Variants in LAMTOR1 observed in about 807,000 individuals in gnomAD.
The protein encoded by LAMTOR1 is ragulator complex protein LAMTOR1.
LAMTOR1 carries 8 observed loss-of-function variants against 20.5 expected under a neutral mutation model. That is an observed-to-expected ratio of 0.39 (90% CI 0.23 to 0.70). The LOEUF (loss-of-function observed/expected upper bound fraction) is 0.70. LAMTOR1 is among the 30% of genes least tolerant of loss of function. LAMTOR1 has a pLI of 0.43. For missense variants in LAMTOR1, 135 were observed against 206.2 expected (o/e 0.65, Z 2.11); for synonymous variants, 77 against 80.9 (o/e 0.95, Z 0.26).
Position 72,097,623 on chromosome 11 carries a change from G to T in LAMTOR1, c.*199C>A, listed in dbSNP as rs146941465. 5.0e-3 allele frequency: 7,036 copies of T among 1,395,844 alleles called. 38 individuals are homozygous for T. The highest frequency in any genetic ancestry group is 0.014 in the South Asian group (879 of 64,562). 86.5% of individuals were successfully genotyped at this position (1,395,844 alleles called of 1,614,324 possible). On this transcript the variant is annotated 3_prime_UTR_variant, in exon 5 of 5. Transcript: ENST00000278671. ...GGCCCCCACCCCATCCCTGGCCAGAGCTTCAAAGGCCAGTCCCAAAAGGTT... is the reference window on the plus strand; with the variant it reads ...GGCCCCCACCCCATCCCTGGCCAGATCTTCAAAGGCCAGTCCCAAAAGGTT...
At chr11:72,098,254 GA>G in intron 4 of LAMTOR1, 34 bp downstream of exon 4, 1 of 1,610,076 alleles carries the variant, frequency 6.2e-7, no homozygotes, top group Non-Finnish European at 8.5e-7. Flanking sequence ...GGCAGTGTGA[GA>G]AGGGTGGGCA....
chr11:72,098,910 A>G, intron 2 of LAMTOR1, 52 bp from the exon 3 acceptor site: 1 of 1,464,534 alleles, frequency 6.8e-7, no homozygotes, highest in Non-Finnish European at 9.2e-7. Context: ...GAGAAGGACA[A>G]ACAGGACTCA....
At chr11:72,102,932 C>T (rs1945498284) in intron 1 of LAMTOR1, among the ~76,000 whole-genome samples, 1 of 152,242 alleles carries the variant, frequency 6.6e-6, no homozygotes, top group Non-Finnish European at 1.5e-5. Context: ...AAGGTAGGAG[C>T]AAACGGAAGT....
chr11:72,098,506 G>T, intron 3 of LAMTOR1, 91 bp from the exon 4 acceptor site: 1 of 1,456,342 alleles, frequency 6.9e-7, no homozygotes, highest in Non-Finnish European at 9.3e-7. Context: ...GGCCAGAGAA[G>T]CAGGGTGTCG....
chr11:72,103,186 G>A lies in LAMTOR1; in HGVS notation c.39C>T (p.Asp13=), dbSNP rs752769625. The change falls in exon 1 of 5, where the codon GAC becomes GAT. Residue 13 remains aspartate, a synonymous_variant. Transcript: ENST00000278671. ...GCCCCGCCTGCCGCGGCCGCACCTGGTCCGAGTCCTCGTTCTCGCTGCTGT... is the reference window on the plus strand; with the variant it reads ...GCCCCGCCTGCCGCGGCCGCACCTGATCCGAGTCCTCGTTCTCGCTGCTGT... ...CCYSSENEDS[D]QDREERKLLL... The A allele has an allele frequency of 5.0e-6, 8 of 1,586,988 alleles. No homozygotes were observed. The highest frequency in any genetic ancestry group is 6.0e-6 in the Non-Finnish European group (7 of 1,166,396).
chr11:72,103,272 T>C lies in LAMTOR1; in HGVS notation c.-48A>G. ...CAGGCCGCGCCGAGGAGGGACGGCGTCCGTGAGGAGCCCTTCCGGTCACAT... is the reference window on the plus strand; with the variant it reads ...CAGGCCGCGCCGAGGAGGGACGGCGCCCGTGAGGAGCCCTTCCGGTCACAT... On this transcript the variant is annotated 5_prime_UTR_variant, in exon 1 of 5. Transcript: ENST00000278671. The C allele has an allele frequency of 6.5e-7, 1 of 1,543,454 alleles. No homozygotes were observed. Among genetic ancestry groups the C allele is most frequent in the Non-Finnish European group, 8.7e-7 (1 of 1,144,650 alleles).
chr11:72,098,054 T>C lies in LAMTOR1; in HGVS notation c.394-140A>G, dbSNP rs1386574558. The C allele has an allele frequency of 9.7e-6, 11 of 1,128,568 alleles. No homozygotes were observed. In the East Asian group the frequency reaches 2.4e-4, roughly 25 times the overall value. The allele number at this position is 1,128,568 out of a possible 1,614,324, so 69.9% of individuals were successfully genotyped here. A position where few individuals can be genotyped will look rare whatever the true frequency, so the allele number is the denominator to read the frequency against. On this transcript the variant is annotated intron_variant, in intron 4 of 4. Transcript: ENST00000278671. ...AGGAAGGCAAAGAGAAAGACAGGGA[T>C]GGGAGAGACAGAAGGAAAAGAACAA...
At position 72,103,198 on chromosome 11, in the gene LAMTOR1, G is replaced by C. The variant is rs1396553544; in HGVS notation, c.27C>G (p.Asn9Lys). The change falls in exon 1 of 5, where the codon AAC (asparagine) becomes AAG (lysine). Residue 9 changes from asparagine to lysine, a missense_variant. Asn to Lys is a moderately conservative substitution (Grantham distance 94, BLOSUM62 0). Coordinates refer to ENST00000278671, the MANE Select transcript of LAMTOR1 (RefSeq NM_017907.3). ...GCGGCCGCACCTGGTCCGAGTCCTC[G>C]TTCTCGCTGCTGTAGCAGCACCCCA... MGCCYSSENEDSDQDREER... is the reference protein window; with the variant it reads MGCCYSSEKEDSDQDREER... 2 of 1,583,648 alleles carry C rather than the reference G, an allele frequency of 1.3e-6. No individual in the cohort carries two copies. The highest frequency in any genetic ancestry group is 4.6e-5 in the East Asian group (2 of 43,270).
chr11:72,101,639 G>A (rs766159646), intron 1 of LAMTOR1, among the ~76,000 whole-genome samples: 1 of 152,136 alleles, frequency 6.6e-6, no homozygotes, highest in African/African-American at 2.4e-5. Flanking sequence ...GATGAGAGTC[G>A]GAGAGGGGCC....
Position 72,097,596 on chromosome 11 carries a change from T to G in LAMTOR1, c.*226A>C. The G allele has an allele frequency of 1.5e-6, 2 of 1,361,728 alleles. No homozygotes were observed. The highest frequency in any genetic ancestry group is 9.5e-7 in the Non-Finnish European group (1 of 1,054,126). 84.4% of individuals were successfully genotyped at this position (1,361,728 alleles called of 1,614,324 possible). A position where few individuals can be genotyped will look rare whatever the true frequency, so the allele number is the denominator to read the frequency against. ...TGAAGACATACCAGGCTCTGTCCTT[T>G]TGGCCCCCACCCCATCCCTGGCCAG... On this transcript the variant is annotated 3_prime_UTR_variant, in exon 5 of 5. Transcript: ENST00000278671.
At chr11:72,101,337 A>G (rs1034615021) in intron 1 of LAMTOR1, among the ~76,000 whole-genome samples, 2 of 152,204 alleles carry the variant, frequency 1.3e-5, no homozygotes, top group South Asian at 2.1e-4. Flanking sequence ...TTCACTGTCT[A>G]CCTTAGCACA....
intron 1 of LAMTOR1, 31 bp downstream of exon 1, chr11:72,103,152 C>T (rs1412205366): frequency 1.9e-6 from 3 of 1,575,004 alleles, no homozygotes; most frequent in Non-Finnish European, 2.6e-6. Flanking sequence ...TCTTAGCCCT[C>T]ATTCCCGAGC....
rs1041924038 is a variant in LAMTOR1, at chr11:72,097,302, T to C, written c.*520A>G. 6.0e-6 allele frequency: 6 copies of C among 995,310 alleles called. No individual in the cohort carries two copies. The African/African-American group carries it at 8.7e-5, about 14-fold the overall frequency. The allele number at this position is 995,310 out of a possible 1,614,324, so 61.7% of individuals were successfully genotyped here. A position where few individuals can be genotyped will look rare whatever the true frequency, so the allele number is the denominator to read the frequency against. ...GCCAGAACCAGCACATGGATGAATA[T>C]ACTTCCTTTATCGAGGGTGACAAAC... On this transcript the variant is annotated 3_prime_UTR_variant, in exon 5 of 5. Transcript: ENST00000278671.
chr11:72,103,045 T>A, intron 1 of LAMTOR1, 138 bp downstream of exon 1: 1 of 1,177,312 alleles, frequency 8.5e-7, no homozygotes, highest in Admixed American at 2.0e-5. Context: ...TGGCGTCTCC[T>A]CTGTAATCTG....
At position 72,098,178 on chromosome 11, in the gene LAMTOR1, G is replaced by A. The variant is rs59704482; in HGVS notation, c.393+111C>T. The A allele has an allele frequency of 4.6e-3, 6,436 of 1,408,494 alleles. 233 individuals carry two copies. In the African/African-American group the frequency reaches 0.082, roughly 18 times the overall value. The allele number at this position is 1,408,494 out of a possible 1,614,324, so 87.2% of individuals were successfully genotyped here. The stretch of plus-strand genomic sequence containing the variant: ...GGAGCTGGGGCCTACAAGGCTACCA[G>A]GCTCCCTAACTCCACCTTCCCTACC... On this transcript the variant is annotated intron_variant, in intron 4 of 4. Transcript: ENST00000278671.
At chr11:72,103,087 T>C (rs1029943941) in intron 1 of LAMTOR1, 96 bp downstream of exon 1, 4 of 1,458,986 alleles carry the variant, frequency 2.7e-6, no homozygotes, top group South Asian at 2.4e-5. Flanking sequence ...CAGTGAGCCC[T>C]GCAGTCCGGC....
intron 1 of LAMTOR1, among the ~76,000 whole-genome samples, chr11:72,102,090 A>C (rs1945463545): frequency 6.6e-6 from 1 of 152,216 alleles, no homozygotes; most frequent in Admixed American, 6.5e-5. Flanking sequence ...TGCTTCCCAT[A>C]CAAACGACAT....
rs1591175320 is a variant in LAMTOR1, at chr11:72,098,435, T to C, written c.267-20A>G. The C allele has an allele frequency of 6.2e-7, 1 of 1,600,422 alleles. No individual in the cohort carries two copies. The highest frequency in any genetic ancestry group is 8.5e-7 in the Non-Finnish European group (1 of 1,173,984). On this transcript the variant is annotated intron_variant, in intron 3 of 4. Transcript: ENST00000278671. ...CGGGTGCTGACCAAGAGAGAGGGGGTGGGGGTAGGCAGTTAAGCCACAGTC... is the reference window on the plus strand; with the variant it reads ...CGGGTGCTGACCAAGAGAGAGGGGGCGGGGGTAGGCAGTTAAGCCACAGTC...
At chr11:72,099,538 T>C (rs564083285) in intron 1 of LAMTOR1, among the ~76,000 whole-genome samples, 110 of 152,254 alleles carry the variant, frequency 7.2e-4, no homozygotes, top group African/African-American at 2.5e-3. Flanking sequence ...GCAACAGCCC[T>C]GGAGCTTGAA....
Sources: allele counts gnomAD v4.1 joint callset (sites outside exome capture counted in the v4.1 genomes callset), GRCh38; gene constraint gnomAD v4.1.1; transcripts MANE v1.5; gene names NCBI Gene and HGNC (gene_info 2026-07-23, HGNC 2026-07-21).